IGSF21: variants seen among roughly 807,000 people sequenced by gnomAD.
IGSF21 encodes immunoglobulin superfamily member 21.
Under a neutral mutation model 46.8 loss-of-function variants are expected in IGSF21, and 28 were observed. The ratio of observed to expected loss-of-function variants is 0.60; its 90% confidence interval spans 0.44 to 0.82. IGSF21 has a LOEUF of 0.82. Ranked by LOEUF, IGSF21 falls within the 40% of genes least tolerant of loss-of-function variation. IGSF21 has a pLI of 0.00. For synonymous variants in IGSF21, 284 were observed against 273.6 expected, an observed-to-expected ratio of 1.04 and a Z score of -0.38; for missense variants, 624 against 665.5, an observed-to-expected ratio of 0.94 and a Z score of 0.69.
intron 1 of IGSF21, among the ~76,000 whole-genome samples, chr1:18,129,092 G>C (rs2086296977): frequency 6.6e-6 from 1 of 152,178 alleles, no homozygotes; most frequent in Admixed American, 6.5e-5. Flanking sequence ...AGCAGCTGAG[G>C]AGCAACAGTA....
chr1:18,257,909 G>A (rs150426225), intron 2 of IGSF21, among the ~76,000 whole-genome samples: 13 of 152,218 alleles, frequency 8.5e-5, no homozygotes, highest in East Asian at 5.8e-4. Context: ...TGAGAGCCCC[G>A]TGGGCAAGGG....
chr1:18,327,081 T>C (rs560960673), intron 3 of IGSF21, among the ~76,000 whole-genome samples: 3 of 152,306 alleles, frequency 2.0e-5, no homozygotes, highest in East Asian at 3.9e-4. Flanking sequence ...CACCCTTTTC[T>C]CATAGAGAAA....
At chr1:18,158,217 C>T (rs1017942774) in intron 1 of IGSF21, among the ~76,000 whole-genome samples, 43 of 152,148 alleles carry the variant, frequency 2.8e-4, no homozygotes, top group African/African-American at 9.9e-4. Flanking sequence ...CCATGGCACC[C>T]CTGATGGTGT....
chr1:18,285,967 A>T (rs1252153873), intron 2 of IGSF21, among the ~76,000 whole-genome samples: 1 of 152,168 alleles, frequency 6.6e-6, no homozygotes, highest in African/African-American at 2.4e-5. Context: ...TACGCACTGA[A>T]TTCTCACACG....
At chr1:18,214,323 G>A (rs2084421252) in intron 1 of IGSF21, among the ~76,000 whole-genome samples, 1 of 152,178 alleles carries the variant, frequency 6.6e-6, no homozygotes, top group Non-Finnish European at 1.5e-5. Context: ...AATCATTTGA[G>A]GTCCCTGGTG....
chr1:18,187,444 G>A (rs1305110068), intron 1 of IGSF21, among the ~76,000 whole-genome samples: 1 of 152,164 alleles, frequency 6.6e-6, no homozygotes, highest in African/African-American at 2.4e-5. Context: ...GGTGGAAGGT[G>A]AAAGGTACTT....
intron 3 of IGSF21, among the ~76,000 whole-genome samples, chr1:18,296,772 A>C (rs2085315917): frequency 1.3e-5 from 2 of 152,190 alleles, no homozygotes; most frequent in South Asian, 4.1e-4. Flanking sequence ...AGTGAATCAC[A>C]GTGAGGCTTC....
intron 2 of IGSF21, among the ~76,000 whole-genome samples, chr1:18,286,421 G>A (rs1327688476): frequency 6.6e-6 from 1 of 152,212 alleles, no homozygotes. Context: ...GGAAGGGAGG[G>A]CTGGGGGACA....
chr1:18,241,498 T>C (rs1453999591), intron 2 of IGSF21, among the ~76,000 whole-genome samples: 1 of 152,144 alleles, frequency 6.6e-6, no homozygotes, highest in Non-Finnish European at 1.5e-5. Flanking sequence ...GAGTCAAACT[T>C]CAAAACCCAA....
At chr1:18,303,799 C>A (rs1302467549) in intron 3 of IGSF21, among the ~76,000 whole-genome samples, 1 of 152,138 alleles carries the variant, frequency 6.6e-6, no homozygotes, top group African/African-American at 2.4e-5. Flanking sequence ...GGCAGTGGGG[C>A]TCTGCCAGGA....
chr1:18,261,387 C>T (rs1025490937), intron 2 of IGSF21, among the ~76,000 whole-genome samples: 4 of 152,096 alleles, frequency 2.6e-5, no homozygotes, highest in Non-Finnish European at 4.4e-5. Context: ...AAAACAGGGA[C>T]TGGATGGAAG....
intron 2 of IGSF21, among the ~76,000 whole-genome samples, chr1:18,274,004 A>G (rs1397730132): frequency 6.6e-6 from 1 of 152,206 alleles, no homozygotes; most frequent in African/African-American, 2.4e-5. Flanking sequence ...CCTCTCTGGT[A>G]AAGACACCTA....
At chr1:18,272,354 C>T (rs1411938116) in intron 2 of IGSF21, among the ~76,000 whole-genome samples, 1 of 152,144 alleles carries the variant, frequency 6.6e-6, no homozygotes, top group African/African-American at 2.4e-5. Flanking sequence ...GCCATATCAC[C>T]CTCTCTGCCA....
At chr1:18,247,011 C>T (rs994130677) in intron 2 of IGSF21, among the ~76,000 whole-genome samples, 3 of 150,926 alleles carry the variant, frequency 2.0e-5, no homozygotes, top group African/African-American at 7.3e-5. Flanking sequence ...GGCGCAGAGA[C>T]GTGATGTGAA....
chr1:18,314,889 G>A (rs867179020), intron 3 of IGSF21, among the ~76,000 whole-genome samples: 4 of 152,152 alleles, frequency 2.6e-5, no homozygotes, highest in Admixed American at 1.3e-4. Context: ...TACAATGATG[G>A]GGACTCTTGC....
chr1:18,282,777 C>T (rs927009382), intron 2 of IGSF21, among the ~76,000 whole-genome samples: 20 of 152,130 alleles, frequency 1.3e-4, no homozygotes, highest in African/African-American at 4.3e-4. Context: ...CAAACTGACA[C>T]GCAGCCCTGA....
intron 1 of IGSF21, chr1:18,111,712 T>A (rs564261907): frequency 1.8e-4 from 28 of 152,394 alleles, no homozygotes; most frequent in African/African-American, 5.8e-4. Flanking sequence ...TCCTCATTCA[T>A]GCTGCAAGAT....
chr1:18,145,670 C>A (rs1040638364), intron 1 of IGSF21, among the ~76,000 whole-genome samples: 3 of 152,130 alleles, frequency 2.0e-5, no homozygotes, highest in Non-Finnish European at 4.4e-5. Flanking sequence ...GAAGTCCAAA[C>A]AGAAGGGTGG....
intron 2 of IGSF21, among the ~76,000 whole-genome samples, chr1:18,274,044 T>C (rs1220568217): frequency 1.3e-5 from 2 of 152,200 alleles, no homozygotes; most frequent in African/African-American, 4.8e-5. Context: ...GGGGCTCACA[T>C]GGTCCAGTTA....
Sources: gnomAD v4.1 joint callset for allele counts (sites outside exome capture counted in the v4.1 genomes callset) on GRCh38, gnomAD v4.1.1 for gene constraint, MANE v1.5 for transcripts, NCBI Gene and HGNC (gene_info 2026-07-23, HGNC 2026-07-21) for gene names.